ZNF385D: variants seen among roughly 807,000 people sequenced by gnomAD.
ZNF385D encodes zinc finger protein 659.
ZNF385D carries 15 observed loss-of-function variants against 35.8 expected under a neutral mutation model. That is an observed-to-expected ratio of 0.42 (90% confidence interval 0.28 to 0.64). ZNF385D has a LOEUF of 0.64. ZNF385D is among the 30% of genes least tolerant of loss of function. The probability of loss-of-function intolerance (pLI) is 0.23; values close to 1 mark genes in which losing one functional copy is unlikely to be tolerated. For synonymous variants in ZNF385D, 212 were observed against 186.8 expected (o/e 1.13, Z -1.10); for missense variants, 474 against 494.6 (o/e 0.96, Z 0.39).
chr3:22,045,161 TA>T (rs376261146), intron 3 of ZNF385D, among the ~76,000 whole-genome samples: 1,519 of 149,880 alleles, frequency 0.01, 24 homozygotes, highest in African/African-American at 0.035. Flanking sequence ...TGGGTCATAT[TA>T]AAAAAAAAAT....
chr3:21,701,413 T>C (rs2067679385), intron 1 of ZNF385D, among the ~76,000 whole-genome samples: 1 of 152,168 alleles, frequency 6.6e-6, no homozygotes, highest in African/African-American at 2.4e-5. Flanking sequence ...GGACCCATGA[T>C]TCAGTTACCT....
At chr3:21,680,254 C>T (rs192457356) in intron 1 of ZNF385D, among the ~76,000 whole-genome samples, 2 of 152,176 alleles carry the variant, frequency 1.3e-5, no homozygotes, top group African/African-American at 4.8e-5. Flanking sequence ...CTCTTGAATA[C>T]ACTGGGTAAA....
At chr3:22,162,401 G>A (rs1706019773) in intron 3 of ZNF385D, among the ~76,000 whole-genome samples, 1 of 152,028 alleles carries the variant, frequency 6.6e-6, no homozygotes, top group Admixed American at 6.6e-5. Context: ...TTTCTCTGAA[G>A]CCCCCCTTAT....
intron 3 of ZNF385D, among the ~76,000 whole-genome samples, chr3:22,004,739 G>A (rs563471259): frequency 6.6e-6 from 1 of 152,204 alleles, no homozygotes; most frequent in African/African-American, 2.4e-5. Flanking sequence ...CTTTGGAAAG[G>A]CTTATCAGAA....
rs114772724 is a variant in ZNF385D, at chr3:21,666,357, C to G, written c.23-1329G>C. Among the ~76,000 whole-genome samples the G allele has an allele frequency of 4.2e-3, 646 of 152,310 alleles. 7 individuals are homozygous for G. Among genetic ancestry groups the G allele is most frequent in the African/African-American group, 0.015 (605 of 41,558 alleles). The stretch of plus-strand genomic sequence containing the variant: ...TAACCATACACAAGAACCATCAGCT[C>G]TCCTGCTCCCAGGTATAAAATCAGC... On this transcript the variant is annotated intron_variant, in intron 1 of 7. Coordinates refer to ENST00000281523, the MANE Select transcript of ZNF385D (RefSeq NM_024697.3).
chr3:21,824,618 A>T (rs1201255107), intron 3 of ZNF385D, among the ~76,000 whole-genome samples: 1 of 152,152 alleles, frequency 6.6e-6, no homozygotes, highest in African/African-American at 2.4e-5. Flanking sequence ...TTGTATCCAT[A>T]GCCTAGATTT....
At chr3:21,732,060 TTTTTTTTTTG>T (rs2069038937) in intron 1 of ZNF385D, among the ~76,000 whole-genome samples, 1 of 85,478 alleles carries the variant, frequency 1.2e-5, no homozygotes, top group African/African-American at 5.0e-5. Context: ...TTTTTTTTTT[TTTTTTTTTTG>T]AGAACGGAGT....
chr3:21,925,112 A>G (rs1700662860), intron 3 of ZNF385D, among the ~76,000 whole-genome samples: 1 of 152,224 alleles, frequency 6.6e-6, no homozygotes, highest in South Asian at 2.1e-4. Flanking sequence ...AATTGCTAAG[A>G]AAATCTTAGC....
At chr3:22,106,219 G>A (rs1190524879) in intron 3 of ZNF385D, among the ~76,000 whole-genome samples, 4 of 152,092 alleles carry the variant, frequency 2.6e-5, no homozygotes, top group African/African-American at 9.7e-5. Context: ...AGGTTGTAAG[G>A]AAACTGGTCA....
intron 3 of ZNF385D, among the ~76,000 whole-genome samples, chr3:21,545,579 T>G (rs574168465): frequency 6.6e-6 from 1 of 152,370 alleles, no homozygotes; most frequent in African/African-American, 2.4e-5. Flanking sequence ...AGTATTCTTA[T>G]GGCAATATAG....
intron 6 of ZNF385D, 110 bp from the exon 7 acceptor site, chr3:21,424,174 G>T: frequency 1.1e-6 from 1 of 951,516 alleles, no homozygotes; most frequent in Non-Finnish European, 1.5e-6. Flanking sequence ...GCAAGTTTCA[G>T]AAAGACAAAA....
At chr3:21,751,816 A>G (rs1462468345), upstream of ZNF385D, among the ~76,000 whole-genome samples, 1 of 152,110 alleles carries the variant, frequency 6.6e-6, no homozygotes, top group Non-Finnish European at 1.5e-5. Context: ...ATAACTGGTG[A>G]TAAAAGTCAC....
At chr3:22,182,972 A>C (rs1695384959) in intron 2 of ZNF385D, among the ~76,000 whole-genome samples, 1 of 152,144 alleles carries the variant, frequency 6.6e-6, no homozygotes, top group African/African-American at 2.4e-5. Context: ...TATAGATCTA[A>C]GAAAAAATGT....
chr3:22,258,093 T>C (rs1434968615), intron 2 of ZNF385D, among the ~76,000 whole-genome samples: 1 of 151,802 alleles, frequency 6.6e-6, no homozygotes, highest in East Asian at 1.9e-4. Context: ...AGTAAACTGA[T>C]GAATTTTTAA....
intron 3 of ZNF385D, among the ~76,000 whole-genome samples, chr3:21,861,095 T>G (rs533867235): frequency 4.3e-4 from 66 of 152,194 alleles, no homozygotes; most frequent in African/African-American, 1.5e-3. Flanking sequence ...CAAACAAAAA[T>G]ATTTTAGTCC....
At chr3:21,578,193 A>C (rs543229858) in intron 2 of ZNF385D, among the ~76,000 whole-genome samples, 1 of 152,162 alleles carries the variant, frequency 6.6e-6, no homozygotes, top group Admixed American at 6.6e-5. Flanking sequence ...TTTGCTGTCA[A>C]GTTCTTTGAA....
In ZNF385D at chr3:21,559,094, C is replaced by T. The variant is rs2062847387; in HGVS notation, c.276+5480G>A. 2.6e-5 allele frequency among the ~76,000 whole-genome samples: 4 copies of T among 151,464 alleles called. 1 individual carries two copies. In the South Asian group the frequency reaches 8.4e-4, roughly 32 times the overall value. On this transcript the variant is annotated intron_variant, in intron 3 of 7. Coordinates refer to ENST00000281523, the MANE Select transcript of ZNF385D (RefSeq NM_024697.3). ...ACATGAGAGTCTCCTGAATACAGCA[C>T]ACTGATGGTTCTTGACACTCTATCC...
At chr3:22,369,904 G>A (rs1696822448) in intron 2 of ZNF385D, among the ~76,000 whole-genome samples, 1 of 152,116 alleles carries the variant, frequency 6.6e-6, no homozygotes, top group Admixed American at 6.5e-5. Flanking sequence ...AATGGATACT[G>A]TATACTCAGC....
chr3:21,841,694 G>C (rs574782647), intron 3 of ZNF385D, among the ~76,000 whole-genome samples: 1 of 151,922 alleles, frequency 6.6e-6, no homozygotes, highest in Admixed American at 6.6e-5. Flanking sequence ...ACAAGTATAA[G>C]TATGCATAAT....
Sources: gnomAD v4.1 joint callset for allele counts (sites outside exome capture counted in the v4.1 genomes callset) on GRCh38, gnomAD v4.1.1 for gene constraint, MANE v1.5 for transcripts, NCBI Gene and HGNC (gene_info 2026-07-23, HGNC 2026-07-21) for gene names.